CILP2: variants seen among roughly 807,000 people sequenced by gnomAD.
CILP2 encodes cartilage intermediate layer protein 2.
In CILP2, 38 loss-of-function variants were observed where a neutral mutation model predicts 45.6. The ratio of observed to expected loss-of-function variants is 0.83; its 90% CI spans 0.64 to 1.09. CILP2 has a LOEUF of 1.09. Among genes scored for constraint, CILP2 ranks in the 50% least tolerant of loss-of-function variants. CILP2 has a pLI of 0.00. For synonymous variants in CILP2, 780 were observed against 723.5 expected (o/e 1.08, Z -1.25); for missense variants, 1,735 against 1,662.2 (o/e 1.04, Z -0.76).
At position 19,545,022 on chromosome 19, in the gene CILP2, G is replaced by T. The variant is rs748029924; in HGVS notation, c.2477G>T (p.Arg826Leu). The stretch of plus-strand genomic sequence containing the variant: ...CTGGAGCCGGCCCCTTCCTTGCCCC[G>T]CCCACTCCCGGCCACCGTGGGCGTC... Reference protein sequence around the residue: ...EELEPAPSLPRPLPATVGVTQ... With the variant: ...EELEPAPSLPLPLPATVGVTQ... The change falls in exon 8 of 8, where the codon CGC becomes CTC. Residue 826 changes from arginine (R) to leucine (L), a missense_variant. By Grantham distance (102) the Arg-to-Leu change is moderately radical. Coordinates refer to ENST00000291495, the MANE Select transcript of CILP2 (RefSeq NM_153221.2). The T allele has an allele frequency of 1.2e-6, 2 of 1,605,408 alleles. No homozygotes were observed. The highest frequency in any genetic ancestry group is 1.3e-5 in the African/African-American group (1 of 74,872).
rs2061263030 is a variant in CILP2 at position 19,545,708 on chromosome 19, C to A, written c.3163C>A (p.Leu1055Met). Residue 1055 changes from leucine (L) to methionine (M), a missense_variant, in exon 8 of 8, where the codon CTG becomes ATG. Physicochemically the swap from Leu to Met is conservative, Grantham distance 15. Coordinates refer to ENST00000291495, the MANE Select transcript of CILP2 (RefSeq NM_153221.2). Reference sequence around the variant, plus strand: ...CTCCATGCTGGCCCCCCTAGACCCTCTGGGCCACAACTATGGCGTCTACAC... The same window carrying A: ...CTCCATGCTGGCCCCCCTAGACCCTATGGGCCACAACTATGGCGTCTACAC... The part of the protein sequence containing the change: ...AFSMLAPLDP[L>M]GHNYGVYTVT... 1 of 1,612,938 alleles carries A rather than the reference C, an allele frequency of 6.2e-7. No homozygotes were observed. Among genetic ancestry groups the A allele is most frequent in the Non-Finnish European group, 8.5e-7 (1 of 1,179,780 alleles).
At position 19,543,931 on chromosome 19, in the gene CILP2, G is replaced by A. The variant is rs751888068; in HGVS notation, c.1386G>A (p.Glu462=). The A allele has an allele frequency of 6.2e-7, 1 of 1,613,608 alleles. No individual in the cohort carries two copies. The change falls in exon 8 of 8, where the codon GAG becomes GAA. Residue 462 remains glutamate (E), a synonymous_variant. Coordinates refer to ENST00000291495, the MANE Select transcript of CILP2 (RefSeq NM_153221.2). The part of the protein sequence containing the change: ...GYVLPVKVVA[E]CGCQKCLPPR... Reference sequence around the variant, plus strand: ...TCCTCCCAGTGAAGGTGGTGGCAGAGTGTGGCTGCCAGAAGTGTCTGCCCC... The same window carrying A: ...TCCTCCCAGTGAAGGTGGTGGCAGAATGTGGCTGCCAGAAGTGTCTGCCCC...
At chr19:19,538,492 C>T (rs929403343) in intron 1 of CILP2, 79 bp downstream of exon 1, 3 of 1,183,750 alleles carry the variant, frequency 2.5e-6, no homozygotes, top group Non-Finnish European at 3.4e-6. Context: ...AAGCCGCACT[C>T]GGGGAGAGAA....
Position 19,546,370 on chromosome 19 carries a change from G to A in CILP2, c.*354G>A, listed in dbSNP as rs2061265435. 2 of 181,924 alleles carry A rather than the reference G, an allele frequency of 1.1e-5. No homozygotes were observed. The highest frequency in any genetic ancestry group is 2.3e-5 in the African/African-American group (1 of 42,578). 11.3% of individuals were successfully genotyped at this position (181,924 alleles called of 1,614,324 possible). ...ATCTTCTACCCTTGGGAGTTCTGGCGTTTGGCACAAAGTCCCCTCTGCCTG... is the reference window on the plus strand; with the variant it reads ...ATCTTCTACCCTTGGGAGTTCTGGCATTTGGCACAAAGTCCCCTCTGCCTG... On this transcript the variant is annotated 3_prime_UTR_variant, in exon 8 of 8. Coordinates refer to ENST00000291495, the MANE Select transcript of CILP2 (RefSeq NM_153221.2).
chr19:19,539,710 T>A lies in CILP2; in HGVS notation c.96T>A (p.Thr32=). 6.2e-7 allele frequency: 1 copy of A among 1,600,994 alleles called. No individual in the cohort carries two copies. The highest frequency in any genetic ancestry group is 8.5e-7 in the Non-Finnish European group (1 of 1,172,754). ...DATPTEEPMA[T]ALGLERRSVY... The stretch of plus-strand genomic sequence containing the variant: ...CCCCCACCGAGGAGCCAATGGCGAC[T>A]GCACTGGGCCTGGAAAGACGGTCCG... The change falls in exon 2 of 8, where the codon ACT becomes ACA. Residue 32 remains threonine (T), a synonymous_variant. Coordinates refer to ENST00000291495, the MANE Select transcript of CILP2 (RefSeq NM_153221.2).
In CILP2 at chr19:19,545,080, T is replaced by A; in HGVS notation, c.2535T>A (p.Arg845=). The change falls in exon 8 of 8, where the codon CGT becomes CGA. Residue 845 remains arginine (R), a synonymous_variant. Coordinates refer to ENST00000291495, the MANE Select transcript of CILP2 (RefSeq NM_153221.2). ...TQPYLDRLGY[R]RTDHDDPAFK... Reference sequence around the variant, plus strand: ...CCTACCTGGACAGGCTGGGGTACCGTCGGACGGACCACGACGATCCCGCCT... The same window carrying A: ...CCTACCTGGACAGGCTGGGGTACCGACGGACGGACCACGACGATCCCGCCT... 1 of 1,610,244 alleles carries A rather than the reference T, an allele frequency of 6.2e-7. No homozygotes were observed. The highest frequency in any genetic ancestry group is 8.5e-7 in the Non-Finnish European group (1 of 1,178,992).
Position 19,543,288 on chromosome 19 carries a change from T to C in CILP2, c.1018T>C (p.Tyr340His). The C allele has an allele frequency of 6.2e-7, 1 of 1,613,646 alleles. No individual in the cohort carries two copies. The highest frequency in any genetic ancestry group is 8.5e-7 in the Non-Finnish European group (1 of 1,179,978). ...GTLLDRRAHG[Y>H]GAHLELRGLR... is the part of the protein sequence containing the mutation. The stretch of plus-strand genomic sequence containing the variant: ...CCTGCTGGACAGGCGAGCTCATGGG[T>C]ACGGGGCCCACCTGGAGCTGCGGGG... Residue 340 changes from tyrosine to histidine, a missense_variant, in exon 7 of 8, where the codon TAC becomes CAC. Transcript: ENST00000291495.
At chr19:19,543,638 GTCC>G in intron 7 of CILP2, 40 bp from the exon 8 acceptor site, 1 of 1,544,038 alleles carries the variant, frequency 6.5e-7, no homozygotes, top group Non-Finnish European at 8.8e-7. Flanking sequence ...CCTCCATGAA[GTCC>G]TCCTCCCTGC....
rs1174430552 is a variant in CILP2, at chr19:19,545,338, C to T, written c.2793C>T (p.Pro931=). 5.0e-6 allele frequency: 8 copies of T among 1,612,252 alleles called. No homozygotes were observed. The highest frequency in any genetic ancestry group is 5.9e-6 in the Non-Finnish European group (7 of 1,179,766). Residue 931 remains proline, a synonymous_variant, in exon 8 of 8, where the codon CCC becomes CCT. Coordinates refer to ENST00000291495, the MANE Select transcript of CILP2 (RefSeq NM_153221.2). ...SWTGDLLAWW[P]NPQEFRACFL... is the part of the protein sequence containing the mutation. ...CTGGCGATCTCCTGGCCTGGTGGCC[C>T]AACCCGCAGGAGTTCCGGGCCTGCT...
rs778948596 is a variant in CILP2 at position 19,542,587 on chromosome 19, G to A, written c.805G>A (p.Gly269Arg). ...IRAQMDGFSA[G>R]EAQAQANGSI... The stretch of plus-strand genomic sequence containing the variant: ...GGCCCAGATGGATGGCTTCTCTGCA[G>A]GGGAGGCCCAGGCCCAGGCCAACGG... Residue 269 changes from glycine (G) to arginine (R), a missense_variant, in exon 5 of 8, where the codon GGG (glycine) becomes AGG (arginine). Gly to Arg is a moderately radical substitution (Grantham distance 125, BLOSUM62 -2). Transcript: ENST00000291495. 4.3e-6 allele frequency: 7 copies of A among 1,614,104 alleles called. No individual in the cohort carries two copies. Among genetic ancestry groups the A allele is most frequent in the East Asian group, 4.5e-5 (2 of 44,864 alleles).
chr19:19,540,256 C>T lies in CILP2; in HGVS notation c.216C>T (p.Gly72=). The change falls in exon 3 of 8, where the codon GGC becomes GGT. Residue 72 remains glycine, a synonymous_variant. Coordinates refer to ENST00000291495, the MANE Select transcript of CILP2 (RefSeq NM_153221.2). ...WFNVDHPGGD[G]DFESLAAIRF... The stretch of plus-strand genomic sequence containing the variant: ...ACGTGGACCACCCCGGAGGCGACGG[C>T]GACTTCGAGAGCCTGGCTGCCATCC... 6.2e-7 allele frequency: 1 copy of T among 1,603,012 alleles called. No individual in the cohort carries two copies. The highest frequency in any genetic ancestry group is 1.3e-5 in the African/African-American group (1 of 74,490).
chr19:19,543,947 T>C lies in CILP2; in HGVS notation c.1402T>C (p.Cys468Arg). 6.2e-7 allele frequency: 1 copy of C among 1,613,384 alleles called. No homozygotes were observed. Residue 468 changes from cysteine (C) to arginine (R), a missense_variant, in exon 8 of 8, where the codon TGT (cysteine) becomes CGT (arginine). Coordinates refer to ENST00000291495, the MANE Select transcript of CILP2 (RefSeq NM_153221.2). The stretch of plus-strand genomic sequence containing the variant: ...GGTGGCAGAGTGTGGCTGCCAGAAG[T>C]GTCTGCCCCCTCGGGGGCTGGTCCG... ...KVVAECGCQKCLPPRGLVRGR... is the reference protein window; with the variant it reads ...KVVAECGCQKRLPPRGLVRGR...
chr19:19,542,603 A>G lies in CILP2; in HGVS notation c.821A>G (p.Gln274Arg), dbSNP rs1402386506. 6.2e-7 allele frequency: 1 copy of G among 1,614,092 alleles called. No homozygotes were observed. Among genetic ancestry groups the G allele is most frequent in the Admixed American group, 1.7e-5 (1 of 60,024 alleles). The change falls in exon 5 of 8, where the codon CAG becomes CGG. Residue 274 changes from glutamine (Q) to arginine (R), a missense_variant. Physicochemically the swap from Gln to Arg is conservative, Grantham distance 43. Coordinates refer to ENST00000291495, the MANE Select transcript of CILP2 (RefSeq NM_153221.2). ...TTCTCTGCAGGGGAGGCCCAGGCCC[A>G]GGCCAACGGATCCATCTCTGTGGTC... The part of the protein sequence containing the change: ...DGFSAGEAQA[Q>R]ANGSISVVTI...
chr19:19,541,076 C>G lies in CILP2; in HGVS notation c.437-15C>G, dbSNP rs199854196. 2.3e-4 allele frequency: 295 copies of G among 1,256,640 alleles called. 4 individuals are homozygous for G. In the East Asian group the frequency reaches 6.5e-3, roughly 28 times the overall value. The allele number at this position is 1,256,640 out of a possible 1,614,324, so 77.8% of individuals were successfully genotyped here. A position where few individuals can be genotyped will look rare whatever the true frequency, so the allele number is the denominator to read the frequency against. ...GGGAGGGCGGCCACCTGATCTCCGT[C>G]CCTGCCTTCCGCAGAAGCCTCGTGG... On this transcript the variant is annotated splice_polypyrimidine_tract_variant and intron_variant, in intron 3 of 7. Transcript: ENST00000291495.
chr19:19,539,863 G>A, intron 2 of CILP2, 86 bp downstream of exon 2: 1 of 1,097,346 alleles, frequency 9.1e-7, no homozygotes, highest in Non-Finnish European at 1.3e-6. Context: ...TGAGGAGAGG[G>A]CACACACTAG....
Position 19,540,259 on chromosome 19 carries a change from C to T in CILP2, c.219C>T (p.Asp73=). Residue 73 remains aspartate (D), a synonymous_variant, in exon 3 of 8, where the codon GAC becomes GAT. Coordinates refer to ENST00000291495, the MANE Select transcript of CILP2 (RefSeq NM_153221.2). ...FNVDHPGGDG[D]FESLAAIRFY... ...TGGACCACCCCGGAGGCGACGGCGA[C>T]TTCGAGAGCCTGGCTGCCATCCGCT... 1 of 1,603,318 alleles carries T rather than the reference C, an allele frequency of 6.2e-7. No homozygotes were observed. The highest frequency in any genetic ancestry group is 8.5e-7 in the Non-Finnish European group (1 of 1,177,674).
chr19:19,543,042 T>C (rs2061250203), intron 6 of CILP2, 70 bp downstream of exon 6: 1 of 1,145,370 alleles, frequency 8.7e-7, no homozygotes, highest in South Asian at 1.3e-5. Context: ...CATGTTGTTA[T>C]GTGGTTTCCC....
Position 19,543,981 on chromosome 19 carries a change from T to A in CILP2, c.1436T>A (p.Val479Asp), listed in dbSNP as rs971702986. 6.2e-7 allele frequency: 1 copy of A among 1,613,092 alleles called. No individual in the cohort carries two copies. The highest frequency in any genetic ancestry group is 8.5e-7 in the Non-Finnish European group (1 of 1,179,750). Residue 479 changes from valine to aspartate, a missense_variant, in exon 8 of 8, where the codon GTT becomes GAT. Val to Asp is a radical substitution (Grantham distance 152). Coordinates refer to ENST00000291495, the MANE Select transcript of CILP2 (RefSeq NM_153221.2). ...LPPRGLVRGR[V>D]VAADSGEPLR... ...CCTCGGGGGCTGGTCCGGGGCCGTG[T>A]TGTGGCTGCTGACTCCGGGGAGCCG...
rs45556231 is a variant in CILP2 at position 19,543,380 on chromosome 19, G to A, written c.1110G>A (p.Ser370=). 0.16 allele frequency: 255,445 copies of A among 1,613,072 alleles called. 21,223 individuals carry two copies. Among genetic ancestry groups the A allele is most frequent in the Middle Eastern group, 0.24 (1,462 of 6,062 alleles). Residue 370 remains serine (S), a synonymous_variant, in exon 7 of 8, where the codon TCG becomes TCA. Transcript: ENST00000291495. ...KAWNEAGAVR[S]GTARLTVLAP... ...GGAATGAGGCGGGTGCCGTGCGCTC[G>A]GGCACTGCCCGGCTCACTGTACTTG...
Sources: gnomAD v4.1 joint callset for allele counts on GRCh38, gnomAD v4.1.1 for gene constraint, MANE v1.5 for transcripts, NCBI Gene and HGNC (gene_info 2026-07-23, HGNC 2026-07-21) for gene names.